The following CHST11 variants were observed in gnomAD, a reference collection of about 807,000 sequenced individuals.
The protein encoded by CHST11 is carbohydrate sulfotransferase 11, also known as C4S-1.
A neutral mutation model predicts 30.4 loss-of-function variants in CHST11; 9 were observed. The ratio of observed to expected loss-of-function variants is 0.30; its 90% CI spans 0.18 to 0.52. The LOEUF (loss-of-function observed/expected upper bound fraction) is 0.52. Ranked by LOEUF, CHST11 falls within the 20% of genes least tolerant of loss-of-function variation. The probability of loss-of-function intolerance (pLI) is 0.97; values close to 1 mark genes in which losing one functional copy is unlikely to be tolerated. For missense variants in CHST11, 348 were observed against 460.6 expected (o/e 0.76, Z 2.24); for synonymous variants, 152 against 187.8 (o/e 0.81, Z 1.56).
intron 1 of CHST11, among the ~76,000 whole-genome samples, chr12:104,520,089 G>A (rs1249010435): frequency 2.0e-5 from 3 of 152,112 alleles, no homozygotes; most frequent in South Asian, 4.1e-4. Flanking sequence ...TGCTGGCGTC[G>A]GAACTGATCA....
chr12:104,728,154 G>A (rs572909478), intron 2 of CHST11, among the ~76,000 whole-genome samples: 8 of 152,194 alleles, frequency 5.3e-5, no homozygotes, highest in South Asian at 2.1e-4. Flanking sequence ...CATGGGCTGC[G>A]GCTTTAATTG....
At chr12:104,531,803 T>C (rs1293163676) in intron 1 of CHST11, among the ~76,000 whole-genome samples, 1 of 152,216 alleles carries the variant, frequency 6.6e-6, no homozygotes. Context: ...CTGTTACACA[T>C]AGTACCTTCT....
chr12:104,465,336 G>A (rs539949748), intron 1 of CHST11, among the ~76,000 whole-genome samples: 16 of 152,288 alleles, frequency 1.1e-4, no homozygotes, highest in Admixed American at 2.0e-4. Flanking sequence ...TCTGATTAAC[G>A]ATGAGGTTGG....
At position 104,457,535 on chromosome 12, in the gene CHST11, G is replaced by A. The variant is rs762599237; in HGVS notation, c.118+6G>A. On this transcript the variant is annotated splice_donor_region_variant and intron_variant, in intron 1 of 2. Transcript: ENST00000303694. ...CCAAAGTATGTTGCACCCAGGTAGGGGGCGCGTTAGCGTGGTTTTGTTGGA... is the reference window on the plus strand; with the variant it reads ...CCAAAGTATGTTGCACCCAGGTAGGAGGCGCGTTAGCGTGGTTTTGTTGGA... 1 of 1,587,278 alleles carries A rather than the reference G, an allele frequency of 6.3e-7. No individual in the cohort carries two copies. The highest frequency in any genetic ancestry group is 1.1e-5 in the South Asian group (1 of 90,560).
chr12:104,646,503 G>A (rs2039432402), intron 2 of CHST11, among the ~76,000 whole-genome samples: 1 of 152,116 alleles, frequency 6.6e-6, no homozygotes, highest in African/African-American at 2.4e-5. Flanking sequence ...GGAGGCCGAG[G>A]TGGGTGGATC....
intron 1 of CHST11, among the ~76,000 whole-genome samples, chr12:104,587,945 T>C (rs1208785311): frequency 6.6e-6 from 1 of 152,028 alleles, no homozygotes; most frequent in African/African-American, 2.4e-5. Context: ...AGATTTCAGC[T>C]TAAAATTTCA....
intron 2 of CHST11, among the ~76,000 whole-genome samples, chr12:104,627,488 A>G (rs1338741452): frequency 1.3e-5 from 2 of 152,228 alleles, no homozygotes; most frequent in African/African-American, 2.4e-5. Flanking sequence ...TCAGCAGATC[A>G]GCGCATACTC....
chr12:104,560,489 A>G (rs1253274718), intron 1 of CHST11, among the ~76,000 whole-genome samples: 2 of 152,192 alleles, frequency 1.3e-5, no homozygotes, highest in African/African-American at 2.4e-5. Context: ...ACTCAAAAAC[A>G]TGGATCAGCA....
At chr12:104,564,684 C>G (rs2038544495) in intron 1 of CHST11, among the ~76,000 whole-genome samples, 3 of 152,160 alleles carry the variant, frequency 2.0e-5, no homozygotes, top group Non-Finnish European at 4.4e-5. Flanking sequence ...GTCCAAGATG[C>G]ACATCGGTGA....
chr12:104,735,351 A>C (rs575207858), intron 2 of CHST11, among the ~76,000 whole-genome samples: 39 of 152,354 alleles, frequency 2.6e-4, no homozygotes, highest in Admixed American at 2.4e-3. Flanking sequence ...CCTGGCACTC[A>C]AAATATATTA....
At chr12:104,475,669 T>TA in intron 1 of CHST11, among the ~76,000 whole-genome samples, 1 of 71,068 alleles carries the variant, frequency 1.4e-5, no homozygotes. Flanking sequence ...TATATATATA[T>TA]ATATATATAT....
chr12:104,637,209 G>A (rs1027421565), intron 2 of CHST11, among the ~76,000 whole-genome samples: 5 of 149,430 alleles, frequency 3.3e-5, no homozygotes, highest in Non-Finnish European at 7.4e-5. Context: ...GGAGGCTGAG[G>A]TAGGAGGATC....
chr12:104,700,307 A>G (rs1186405179), intron 2 of CHST11, among the ~76,000 whole-genome samples: 5 of 152,226 alleles, frequency 3.3e-5, no homozygotes, highest in Non-Finnish European at 7.3e-5. Context: ...TACCAAAAAT[A>G]AAAAAGAAAA....
chr12:104,513,138 T>TGGG (rs1565969843), intron 1 of CHST11, among the ~76,000 whole-genome samples: 4 of 3,330 alleles, frequency 1.2e-3, no homozygotes, highest in Admixed American at 3.8e-3. Context: ...GGGGGGGGGG[T>TGGG]TGGGGGTGGG....
rs556813734 is a variant in CHST11 at position 104,759,218 on chromosome 12, C to G, written c.*1415C>G. ...CTCACGTCCTCCAGAGGCTGAAAGACTATCAGCATCTTGGTAACTGCCATG... is the reference window on the plus strand; with the variant it reads ...CTCACGTCCTCCAGAGGCTGAAAGAGTATCAGCATCTTGGTAACTGCCATG... On this transcript the variant is annotated 3_prime_UTR_variant, in exon 3 of 3. Transcript: ENST00000303694. 1 of 152,306 alleles carries G rather than the reference C, an allele frequency of 6.6e-6. No individual in the cohort carries two copies. Among genetic ancestry groups the G allele is most frequent in the South Asian group, 2.1e-4 (1 of 4,826 alleles). The allele number at this position is 152,306 out of a possible 1,614,324, so 9.4% of individuals were successfully genotyped here. A position where few individuals can be genotyped will look rare whatever the true frequency, so the allele number is the denominator to read the frequency against.
chr12:104,607,543 G>A (rs1023463185), intron 2 of CHST11, among the ~76,000 whole-genome samples: 4 of 152,114 alleles, frequency 2.6e-5, no homozygotes, highest in African/African-American at 7.2e-5. Flanking sequence ...GTGCGCAGTG[G>A]GGGCCTTTAT....
At chr12:104,668,353 C>T (rs373264586) in intron 2 of CHST11, among the ~76,000 whole-genome samples, 3 of 152,160 alleles carry the variant, frequency 2.0e-5, no homozygotes, top group African/African-American at 4.8e-5. Flanking sequence ...ATCCAGTTTC[C>T]GTATGTGGAG....
At chr12:104,535,684 G>A (rs886610586) in intron 1 of CHST11, among the ~76,000 whole-genome samples, 1 of 152,174 alleles carries the variant, frequency 6.6e-6, no homozygotes, top group Non-Finnish European at 1.5e-5. Flanking sequence ...GGGCGGAATG[G>A]GTGGGAAAGT....
intron 1 of CHST11, among the ~76,000 whole-genome samples, chr12:104,558,469 C>G (rs148711129): frequency 5.3e-5 from 8 of 151,818 alleles, no homozygotes; most frequent in Admixed American, 3.9e-4. Context: ...ACCCTCTCCG[C>G]CCCTCCCCTC....
Sources: gnomAD v4.1 joint callset for allele counts (sites outside exome capture counted in the v4.1 genomes callset) on GRCh38, gnomAD v4.1.1 for gene constraint, MANE v1.5 for transcripts, NCBI Gene and HGNC (gene_info 2026-07-23, HGNC 2026-07-21) for gene names.